AP3S2: variants seen among roughly 807,000 people sequenced by gnomAD.
The protein encoded by AP3S2 is AP-3 complex subunit sigma-2.
A neutral mutation model predicts 23.4 loss-of-function variants in AP3S2; 22 were observed. The ratio of observed to expected loss-of-function variants is 0.94; its 90% CI spans 0.67 to 1.34. The LOEUF (loss-of-function observed/expected upper bound fraction) is 1.34, where lower values mean the gene tolerates loss of function less well. Ranked by LOEUF, AP3S2 falls within the 40% of genes most tolerant of loss-of-function variation. AP3S2 has a pLI of 0.00. For synonymous variants in AP3S2, 86 were observed against 87.1 expected (o/e 0.99, Z 0.07); for missense variants, 241 against 236.9 (o/e 1.02, Z -0.11).
At chr15:89,862,354 G>A (rs1896025591) in intron 4 of AP3S2, among the ~76,000 whole-genome samples, 1 of 152,124 alleles carries the variant, frequency 6.6e-6, no homozygotes, top group African/African-American at 2.4e-5. Flanking sequence ...TCCCAACTAT[G>A]TTAATTGTGT....
chr15:89,854,508 CG>C (rs1567177216), intron 4 of AP3S2, among the ~76,000 whole-genome samples: 7 of 77,198 alleles, frequency 9.1e-5, no homozygotes, highest in African/African-American at 3.5e-4. Context: ...CCGCCCCGTC[CG>C]GGAGGGAGGT....
At chr15:89,844,280 TCTCTTTCTTTC>T (rs1398157077) in intron 4 of AP3S2, among the ~76,000 whole-genome samples, 17 of 60,100 alleles carry the variant, frequency 2.8e-4, no homozygotes, top group Non-Finnish European at 7.4e-4. Context: ...TCTCTCTCTC[TCTCTTTCTTTC>T]TTTACTTTTT....
intron 4 of AP3S2, chr15:89,865,375 A>T (rs942543080): frequency 6.6e-6 from 1 of 152,220 alleles, no homozygotes; most frequent in Non-Finnish European, 1.5e-5. Context: ...GCATATTAGT[A>T]TAATTTTACC....
At chr15:89,863,877 A>T (rs1450201656) in intron 4 of AP3S2, among the ~76,000 whole-genome samples, 2 of 152,190 alleles carry the variant, frequency 1.3e-5, no homozygotes, top group Non-Finnish European at 2.9e-5. Context: ...CTTAGTAAAA[A>T]GATCATTTTC....
At chr15:89,892,818 C>G (rs911373277) in intron 1 of AP3S2, among the ~76,000 whole-genome samples, 14 of 152,210 alleles carry the variant, frequency 9.2e-5, no homozygotes, top group South Asian at 8.3e-4. Flanking sequence ...GTGCCCGCCA[C>G]CGCGCTTGGC....
chr15:89,866,240 C>G (rs1469125662), intron 4 of AP3S2, among the ~76,000 whole-genome samples: 4 of 116,520 alleles, frequency 3.4e-5, no homozygotes, highest in African/African-American at 1.3e-4. Flanking sequence ...CCAGCCTGGG[C>G]AACAGAGCGA....
intron 4 of AP3S2, among the ~76,000 whole-genome samples, chr15:89,857,854 G>A (rs922494937): frequency 2.6e-5 from 4 of 152,138 alleles, no homozygotes; most frequent in Non-Finnish European, 5.9e-5. Flanking sequence ...TCCCTTGGGT[G>A]GGAGCATGTG....
chr15:89,873,876 CTTTTTTTT>C (rs3055916), intron 3 of AP3S2, among the ~76,000 whole-genome samples: 4 of 76,850 alleles, frequency 5.2e-5, no homozygotes, highest in African/African-American at 1.1e-4. Context: ...TTCTCTGTGG[CTTTTTTTT>C]TTTTTTTTTT....
intron 4 of AP3S2, among the ~76,000 whole-genome samples, chr15:89,848,291 C>T (rs1267236282): frequency 1.3e-5 from 2 of 152,230 alleles, no homozygotes; most frequent in Non-Finnish European, 2.9e-5. Context: ...CTGCAACACT[C>T]AAGTTTTGAA....
At chr15:89,893,803 C>G (rs1239297318) in intron 1 of AP3S2, 78 bp downstream of exon 1, 111 of 1,424,144 alleles carry the variant, frequency 7.8e-5, no homozygotes, top group Non-Finnish European at 1.0e-4. Context: ...GCGGTGCCCC[C>G]GGGCGCCGAG....
chr15:89,835,428 G>C lies in AP3S2; in HGVS notation c.*87C>G, dbSNP rs1895164302. The C allele has an allele frequency of 1.3e-6, 2 of 1,578,688 alleles. No individual in the cohort carries two copies. The highest frequency in any genetic ancestry group is 2.3e-5 in the South Asian group (2 of 85,224). ...GGTCCTGAGGCTTGACTCTTCTAAG[G>C]CTCAAAATGGGTTCTGTTTCCAGAC... On this transcript the variant is annotated 3_prime_UTR_variant, in exon 6 of 6. Coordinates refer to ENST00000336418, the MANE Select transcript of AP3S2 (RefSeq NM_005829.5).
intron 1 of AP3S2, chr15:89,893,249 C>G (rs1035402736): frequency 1.3e-5 from 2 of 153,096 alleles, no homozygotes; most frequent in Non-Finnish European, 2.9e-5. Context: ...AGACAGGAAG[C>G]AAATACTGAT....
chr15:89,881,261 G>A (rs1896563531), intron 3 of AP3S2, among the ~76,000 whole-genome samples: 1 of 152,188 alleles, frequency 6.6e-6, no homozygotes, highest in South Asian at 2.1e-4. Flanking sequence ...GGGCCTTACA[G>A]GCTGTAATAG....
intron 3 of AP3S2, among the ~76,000 whole-genome samples, chr15:89,884,630 T>C (rs969923825): frequency 2.0e-5 from 3 of 151,532 alleles, no homozygotes; most frequent in Non-Finnish European, 4.4e-5. Context: ...TAATACGCAA[T>C]ATTTGACGAA....
chr15:89,858,521 GAGAGAAAGAAAGAA>G lies in AP3S2; in HGVS notation c.345+12940_345+12953del, dbSNP rs1354931279. On this transcript the variant is annotated intron_variant, in intron 4 of 5. Transcript: ENST00000336418. ...AGAGAGAGAGAGAGAGAGAGAGAGA[GAGAGAAAGAAAGAA>G]AGAAAGAAAGAAAGAAAGAAAGAAA... 5.1e-3 allele frequency among the ~76,000 whole-genome samples: 258 copies of G among 50,100 alleles called. 1 individual carries two copies. Among genetic ancestry groups the G allele is most frequent in the African/African-American group, 0.017 (242 of 14,396 alleles). 32.9% of individuals were successfully genotyped at this position (50,100 alleles called of 152,430 possible).
intron 4 of AP3S2, among the ~76,000 whole-genome samples, chr15:89,855,177 C>T (rs369753170): frequency 7.0e-4 from 61 of 87,670 alleles, no homozygotes; most frequent in Non-Finnish European, 1.3e-3. Flanking sequence ...TTTTGTTCTG[C>T]ACTAAGAAAA....
In AP3S2 at chr15:89,835,367, C is replaced by T. The variant is rs778276344; in HGVS notation, c.*148G>A. On this transcript the variant is annotated 3_prime_UTR_variant, in exon 6 of 6. Coordinates refer to ENST00000336418, the MANE Select transcript of AP3S2 (RefSeq NM_005829.5). Reference sequence around the variant, plus strand: ...GTCAATAGGAATCCCTTCCCTATTCCATGCCAAACAGTCTTCCCCAGACAC... The same window carrying T: ...GTCAATAGGAATCCCTTCCCTATTCTATGCCAAACAGTCTTCCCCAGACAC... 2.2e-6 allele frequency: 3 copies of T among 1,383,080 alleles called. No individual in the cohort carries two copies. Among genetic ancestry groups the T allele is most frequent in the Non-Finnish European group, 2.9e-6 (3 of 1,021,666 alleles). 85.7% of individuals were successfully genotyped at this position (1,383,080 alleles called of 1,614,324 possible). A position where few individuals can be genotyped will look rare whatever the true frequency, so the allele number is the denominator to read the frequency against.
At chr15:89,852,707 G>C (rs1193088176) in intron 4 of AP3S2, 1 of 152,208 alleles carries the variant, frequency 6.6e-6, no homozygotes, top group Non-Finnish European at 1.5e-5. Flanking sequence ...AAGTCCAAAT[G>C]CCACACCTAG....
chr15:89,837,593 T>C, intron 5 of AP3S2, 22 bp downstream of exon 5: 1 of 1,614,032 alleles, frequency 6.2e-7, no homozygotes, highest in Non-Finnish European at 8.5e-7. Context: ...CAGCCAGGGC[T>C]AGAGCACAGC....
Sources: allele counts gnomAD v4.1 joint callset (sites outside exome capture counted in the v4.1 genomes callset), GRCh38; gene constraint gnomAD v4.1.1; transcripts MANE v1.5; gene names NCBI Gene and HGNC (gene_info 2026-07-23, HGNC 2026-07-21).